NAPG: variants seen among roughly 807,000 people sequenced by gnomAD.
NAPG encodes NSF attachment protein gamma.
In NAPG, 25 loss-of-function variants were observed where a neutral mutation model predicts 48.4. The observed-to-expected ratio is 0.52, with a 90% CI of 0.38 to 0.72. The LOEUF (loss-of-function observed/expected upper bound fraction) is 0.72. Among genes scored for constraint, NAPG ranks in the 30% least tolerant of loss-of-function variants. NAPG has a pLI of 0.00. For missense variants in NAPG, 359 were observed against 372.5 expected (o/e 0.96, Z 0.30); for synonymous variants, 139 against 127.2 (o/e 1.09, Z -0.62).
intron 5 of NAPG, among the ~76,000 whole-genome samples, chr18:10,536,172 T>C (rs1224566326): frequency 6.6e-6 from 1 of 152,208 alleles, no homozygotes; most frequent in Non-Finnish European, 1.5e-5. Context: ...ATCTATTTAA[T>C]TTGAGGGTTG....
intron 3 of NAPG, 123 bp from the exon 4 acceptor site, chr18:10,533,413 A>G: frequency 1.4e-6 from 1 of 718,076 alleles, no homozygotes; most frequent in Non-Finnish European, 2.2e-6. Context: ...ACCTGTTTGT[A>G]GGATTTGTCT....
intron 5 of NAPG, among the ~76,000 whole-genome samples, chr18:10,538,093 T>C (rs186549322): frequency 7.9e-5 from 12 of 152,272 alleles, no homozygotes; most frequent in African/African-American, 2.9e-4. Flanking sequence ...TTTTTTAAGT[T>C]TATTTTTAAA....
chr18:10,530,188 C>CTTTTT (rs58597079), intron 1 of NAPG, among the ~76,000 whole-genome samples: 5 of 67,332 alleles, frequency 7.4e-5, no homozygotes, highest in African/African-American at 1.1e-4. Flanking sequence ...CGAGTTTTCA[C>CTTTTT]TTTTTTTTTT....
chr18:10,532,018 C>T (rs1222773403), intron 2 of NAPG, among the ~76,000 whole-genome samples: 1 of 152,142 alleles, frequency 6.6e-6, no homozygotes, highest in Non-Finnish European at 1.5e-5. Flanking sequence ...ACAAATAGCA[C>T]TTTTCTTAAA....
At chr18:10,526,460 T>C (rs2031813915) in intron 1 of NAPG, 2 of 406,846 alleles carry the variant, frequency 4.9e-6, no homozygotes, top group Non-Finnish European at 8.9e-6. Context: ...TTGGGCGCTC[T>C]GCTCCTGAAG....
At position 10,532,716 on chromosome 18, in the gene NAPG, G is replaced by T; in HGVS notation, c.130G>T (p.Ala44Ser). 1 of 1,576,078 alleles carries T rather than the reference G, an allele frequency of 6.3e-7. No individual in the cohort carries two copies. The highest frequency in any genetic ancestry group is 2.3e-5 in the East Asian group (1 of 43,606). ...AATTTTTTTTTCTATTTCAGCTGTT[G>T]CTTTTAAAAATGCCAAACAGTTTGA... Reference protein sequence around the residue: ...AASEYGKAAVAFKNAKQFEQA... With the variant: ...AASEYGKAAVSFKNAKQFEQA... The change falls in exon 3 of 12, where the codon GCT becomes TCT. Residue 44 changes from alanine to serine, a missense_variant. By Grantham distance (99) the Ala-to-Ser change is moderately conservative. Transcript: ENST00000322897.
intron 5 of NAPG, among the ~76,000 whole-genome samples, chr18:10,537,564 A>G (rs1297099348): frequency 1.3e-5 from 2 of 152,142 alleles, no homozygotes; most frequent in East Asian, 3.9e-4. Context: ...TAATTGGACC[A>G]GCACAGTTTA....
At position 10,532,811 on chromosome 18, in the gene NAPG, T is replaced by C. The variant is rs188521805; in HGVS notation, c.209+16T>C. On this transcript the variant is annotated intron_variant, in intron 3 of 11. Coordinates refer to ENST00000322897, the MANE Select transcript of NAPG (RefSeq NM_003826.3). Reference sequence around the variant, plus strand: ...ATAATAGGGCGTATCTTTTTCAACTTTTAAAAAGAAATTAAACAATTAGAT... The same window carrying C: ...ATAATAGGGCGTATCTTTTTCAACTCTTAAAAAGAAATTAAACAATTAGAT... 2.9e-5 allele frequency: 44 copies of C among 1,526,506 alleles called. No individual in the cohort carries two copies. The Admixed American group carries it at 6.7e-4, about 23-fold the overall frequency. 94.6% of individuals were successfully genotyped at this position (1,526,506 alleles called of 1,614,324 possible). A position where few individuals can be genotyped will look rare whatever the true frequency, so the allele number is the denominator to read the frequency against.
intron 1 of NAPG, 87 bp downstream of exon 1, chr18:10,526,245 G>GT: frequency 1.6e-6 from 1 of 606,476 alleles, no homozygotes; most frequent in East Asian, 4.3e-5. Flanking sequence ...GGGGCGGGAG[G>GT]GAGGGCTCAG....
chr18:10,549,158 G>T, intron 11 of NAPG, 62 bp downstream of exon 11: 1 of 1,537,646 alleles, frequency 6.5e-7, no homozygotes, highest in Non-Finnish European at 8.8e-7. Context: ...TTTCTAGTGA[G>T]ATTATTTTTT....
chr18:10,534,548 A>G lies in NAPG; in HGVS notation c.258+52A>G. ...GTGTAGGTAAAATGAATTAACTACA[A>G]GGTGTTAAACAAGAATTTTTGTTGA... On this transcript the variant is annotated intron_variant, in intron 5 of 11. Coordinates refer to ENST00000322897, the MANE Select transcript of NAPG (RefSeq NM_003826.3). This position sits in a 1 kb window ranked among gnomAD's most constrained non-coding sequence, Gnocchi z 5.0. 4 of 1,554,862 alleles carry G rather than the reference A, an allele frequency of 2.6e-6. No individual in the cohort carries two copies. Among genetic ancestry groups the G allele is most frequent in the Non-Finnish European group, 3.5e-6 (4 of 1,126,822 alleles).
chr18:10,551,976 A>G lies in NAPG; in HGVS notation c.*1756A>G, dbSNP rs966152424. The stretch of plus-strand genomic sequence containing the variant: ...CATTTAAGGACATTGCAGTGTTTCA[A>G]AGATCCCATCATTGCAGCTTGTATC... On this transcript the variant is annotated 3_prime_UTR_variant, in exon 12 of 12. Transcript: ENST00000322897. 8 of 152,218 alleles carry G rather than the reference A, an allele frequency of 5.3e-5. No homozygotes were observed. The highest frequency in any genetic ancestry group is 1.9e-4 in the African/African-American group (8 of 41,464). The allele number at this position is 152,218 out of a possible 1,614,324, so 9.4% of individuals were successfully genotyped here.
intron 11 of NAPG, among the ~76,000 whole-genome samples, chr18:10,549,507 G>T (rs557506017): frequency 6.6e-6 from 1 of 152,264 alleles, no homozygotes; most frequent in African/African-American, 2.4e-5. Context: ...GTGTGTTGCA[G>T]GTCATTAATT....
chr18:10,540,149 CTT>C, intron 7 of NAPG, 95 bp downstream of exon 7: 1 of 1,153,756 alleles, frequency 8.7e-7, no homozygotes, highest in South Asian at 1.5e-5. Context: ...ACTTTTAAAA[CTT>C]TTCCCTGCTC....
At chr18:10,535,049 A>T (rs1338639256) in intron 5 of NAPG, among the ~76,000 whole-genome samples, 1 of 152,262 alleles carries the variant, frequency 6.6e-6, no homozygotes, top group African/African-American at 2.4e-5. Context: ...GAGACAGAAC[A>T]TACTACTTTA....
rs138599173 is a variant in NAPG, at chr18:10,535,162, T to A, written c.258+666T>A. 4.9e-4 allele frequency among the ~76,000 whole-genome samples: 75 copies of A among 152,358 alleles called. 2 individuals are homozygous for A. The East Asian group carries it at 0.014, about 29-fold the overall frequency. Reference sequence around the variant, plus strand: ...TAAAATGGTAAAAGCTACTTTCAAGTATTTATTATAAAGCTTTGTTTTTAA... The same window carrying A: ...TAAAATGGTAAAAGCTACTTTCAAGAATTTATTATAAAGCTTTGTTTTTAA... On this transcript the variant is annotated intron_variant, in intron 5 of 11. Transcript: ENST00000322897.
At chr18:10,545,260 C>T (rs1023366743) in intron 8 of NAPG, among the ~76,000 whole-genome samples, 1 of 151,854 alleles carries the variant, frequency 6.6e-6, no homozygotes, top group Non-Finnish European at 1.5e-5. Context: ...TGCGGTGAGC[C>T]GAGATGTCGC....
Position 10,539,553 on chromosome 18 carries a change from C to A in NAPG, c.259-209C>A. The A allele has an allele frequency of 1.9e-6, 1 of 519,924 alleles. No homozygotes were observed. The highest frequency in any genetic ancestry group is 3.4e-5 in the East Asian group (1 of 29,518). 32.2% of individuals were successfully genotyped at this position (519,924 alleles called of 1,614,324 possible). On this transcript the variant is annotated intron_variant, in intron 5 of 11. Transcript: ENST00000322897. This position sits in a 1 kb window ranked among gnomAD's most constrained non-coding sequence, Gnocchi z 4.7. ...GGGAGGGAGAGCACTAGGACAAATACCTAATGCATGCGGGGCTTAAAACCT... is the reference window on the plus strand; with the variant it reads ...GGGAGGGAGAGCACTAGGACAAATAACTAATGCATGCGGGGCTTAAAACCT...
chr18:10,543,973 A>G lies in NAPG; in HGVS notation c.507-2353A>G, dbSNP rs184587383. Among the ~76,000 whole-genome samples the G allele has an allele frequency of 5.1e-4, 78 of 152,364 alleles. 1 individual carries two copies. The highest frequency in any genetic ancestry group is 6.8e-3 in the Middle Eastern group (2 of 294). On this transcript the variant is annotated intron_variant, in intron 8 of 11. Coordinates refer to ENST00000322897, the MANE Select transcript of NAPG (RefSeq NM_003826.3). The surrounding 1 kb of genome is among the most constrained non-coding windows in gnomAD (Gnocchi z 4.4). ...TATATTAGCACATAGAAATGCTAAT[A>G]TTATGTCAAGGAAATAAACAGTTTA...
Sources: gnomAD v4.1 joint callset for allele counts (sites outside exome capture counted in the v4.1 genomes callset) on GRCh38, gnomAD v4.1.1 for gene constraint, Gnocchi (gnomAD v3.1) non-coding constraint, MANE v1.5 for transcripts, NCBI Gene and HGNC (gene_info 2026-07-23, HGNC 2026-07-21) for gene names.